Variants in POPDC3 observed in about 807,000 individuals in gnomAD.
POPDC3 encodes the protein popeye domain cAMP effector 3.
A neutral mutation model predicts 28.2 loss-of-function variants in POPDC3; 20 were observed. The observed-to-expected ratio is 0.71, with a 90% CI of 0.50 to 1.03. The LOEUF is 1.03. POPDC3 is among the 50% of genes least tolerant of loss of function. The pLI is 0.00. For missense variants in POPDC3, 316 were observed against 345.9 expected (o/e 0.91, Z 0.69); for synonymous variants, 118 against 124.1 (o/e 0.95, Z 0.33).
intron 1 of POPDC3, among the ~76,000 whole-genome samples, chr6:105,176,693 A>C (rs1432906241): frequency 6.6e-6 from 1 of 152,128 alleles, no homozygotes; most frequent in Non-Finnish European, 1.5e-5. Context: ...AGTAGCTGGG[A>C]CTGCAGGCGC....
rs1426550031 is a variant in POPDC3 at position 105,161,900 on chromosome 6, T to G, written c.10A>C (p.Asn4His). Reference protein sequence around the residue: MERNSSLWKNLIDE... With the variant: MERHSSLWKNLIDE... ...ATTAGGTTCTTCCATAAACTTGAATTTCTTTCCATGGCTGTATTACTGCCT... is the reference window on the plus strand; with the variant it reads ...ATTAGGTTCTTCCATAAACTTGAATGTCTTTCCATGGCTGTATTACTGCCT... Residue 4 changes from asparagine to histidine, a missense_variant, in exon 2 of 4, where the codon AAT becomes CAT. Asn to His is a moderately conservative substitution (Grantham distance 68). Coordinates refer to ENST00000254765, the MANE Select transcript of POPDC3 (RefSeq NM_022361.5). 1 of 1,598,890 alleles carries G rather than the reference T, an allele frequency of 6.3e-7. No homozygotes were observed. Among genetic ancestry groups the G allele is most frequent in the East Asian group, 2.2e-5 (1 of 44,802 alleles).
Position 105,164,266 on chromosome 6 carries a change from C to T in POPDC3, c.-251-2106G>A, listed in dbSNP as rs769337429. ...ATAGAGAAAGGCCATGTAAAACGTT[C>T]GTGGCAATTCAGAAGGGAACTTCTG... On this transcript the variant is annotated intron_variant, in intron 1 of 3. Transcript: ENST00000254765. 4.6e-5 allele frequency among the ~76,000 whole-genome samples: 7 copies of T among 152,126 alleles called. No individual in the cohort carries two copies. The East Asian group carries it at 5.8e-4, about 13-fold the overall frequency.
intron 1 of POPDC3, among the ~76,000 whole-genome samples, chr6:105,179,387 C>A (rs1191873928): frequency 6.6e-6 from 1 of 152,140 alleles, no homozygotes; most frequent in African/African-American, 2.4e-5. Flanking sequence ...CATGACTTCC[C>A]CAGGACTGAC....
intron 3 of POPDC3, 91 bp from the exon 4 acceptor site, chr6:105,158,842 G>T: frequency 8.5e-7 from 1 of 1,175,924 alleles, no homozygotes; most frequent in Non-Finnish European, 1.2e-6. Flanking sequence ...TTAATTTCAC[G>T]TGCTGCCTTT....
chr6:105,169,439 A>T (rs1562155564), intron 1 of POPDC3: 1 of 152,236 alleles, frequency 6.6e-6, no homozygotes, highest in Non-Finnish European at 1.5e-5. Context: ...AACTTCCAGA[A>T]TAGTTATGAC....
intron 1 of POPDC3, among the ~76,000 whole-genome samples, chr6:105,176,198 CAACA>C (rs1774679770): frequency 6.6e-6 from 1 of 152,164 alleles, no homozygotes; most frequent in African/African-American, 2.4e-5. Flanking sequence ...TTTACCTGAG[CAACA>C]AACAACTCAC....
chr6:105,174,581 CT>C (rs1774647229), intron 1 of POPDC3, among the ~76,000 whole-genome samples: 1 of 152,166 alleles, frequency 6.6e-6, no homozygotes, highest in South Asian at 2.1e-4. Context: ...GATGTGTTTA[CT>C]TGGGTGTAAC....
At chr6:105,179,277 C>T (rs1774737401) in intron 1 of POPDC3, 1 of 984,360 alleles carries the variant, frequency 1.0e-6, no homozygotes, top group Non-Finnish European at 1.2e-6. Flanking sequence ...TTTTTGTACC[C>T]CCAACTCTGT....
chr6:105,168,631 T>C (rs1198177964), intron 1 of POPDC3: 1 of 152,254 alleles, frequency 6.6e-6, no homozygotes, highest in Non-Finnish European at 1.5e-5. Flanking sequence ...TCCTTCAGTG[T>C]GGGCAGAACC....
chr6:105,159,444 C>T (rs1040143577), intron 3 of POPDC3, among the ~76,000 whole-genome samples: 3 of 152,196 alleles, frequency 2.0e-5, no homozygotes, highest in East Asian at 1.9e-4. Context: ...TTCCTAAATA[C>T]GCAGTTATGC....
At chr6:105,164,177 C>G (rs1318610585) in intron 1 of POPDC3, among the ~76,000 whole-genome samples, 2 of 152,142 alleles carry the variant, frequency 1.3e-5, no homozygotes, top group African/African-American at 4.8e-5. Flanking sequence ...TAGTGGAGCT[C>G]TGAACTTTGG....
chr6:105,163,824 ATAT>A (rs1774402278), intron 1 of POPDC3: 1 of 152,168 alleles, frequency 6.6e-6, no homozygotes, highest in Non-Finnish European at 1.5e-5. Context: ...ACTTATAGTC[ATAT>A]TGTTGTTTTT....
At chr6:105,178,598 ACACACACACACAG>A (rs1362370449) in intron 1 of POPDC3, 3 of 221,742 alleles carry the variant, frequency 1.4e-5, no homozygotes, top group African/African-American at 7.2e-5. Flanking sequence ...ACACACACAC[ACACACACACACAG>A]ATTTTTCAGG....
At chr6:105,159,662 C>A in intron 3 of POPDC3, 49 bp downstream of exon 3, 1 of 998,416 alleles carries the variant, frequency 1.0e-6, no homozygotes, top group African/African-American at 1.6e-5. Flanking sequence ...TTTAAACAAA[C>A]ATCTGTTTGA....
At chr6:105,158,830 A>C (rs1269843045) in intron 3 of POPDC3, 79 bp from the exon 4 acceptor site, 1 of 1,269,544 alleles carries the variant, frequency 7.9e-7, no homozygotes, top group East Asian at 2.3e-5. Context: ...CCAATTGTTA[A>C]ATTAATTTCA....
chr6:105,172,415 G>C lies in POPDC3; in HGVS notation c.-252+7418C>G, dbSNP rs1280449998. ...CCAGTGGAGAGGATGTGAAGAAATA[G>C]GAACACTTTTACACTGTTGGTGGGA... On this transcript the variant is annotated intron_variant, in intron 1 of 3. Coordinates refer to ENST00000254765, the MANE Select transcript of POPDC3 (RefSeq NM_022361.5). 3.3e-5 allele frequency among the ~76,000 whole-genome samples: 5 copies of C among 151,136 alleles called. 1 individual carries two copies. The highest frequency in any genetic ancestry group is 1.2e-4 in the African/African-American group (5 of 40,890).
At chr6:105,175,699 G>A (rs1005622082) in intron 1 of POPDC3, among the ~76,000 whole-genome samples, 20 of 151,802 alleles carry the variant, frequency 1.3e-4, no homozygotes, top group African/African-American at 3.9e-4. Flanking sequence ...AAAATTAGCC[G>A]GGCATGGTGG....
chr6:105,165,709 G>C (rs1227182309), intron 1 of POPDC3, among the ~76,000 whole-genome samples: 1 of 152,186 alleles, frequency 6.6e-6, no homozygotes, highest in Non-Finnish European at 1.5e-5. Context: ...TCACAACCTT[G>C]AACTCCTTAA....
intron 1 of POPDC3, chr6:105,178,656 G>T: frequency 1.2e-6 from 1 of 844,636 alleles, no homozygotes; most frequent in Non-Finnish European, 1.4e-6. Context: ...TCTGGGATCA[G>T]CCAGAGCTCT....
Sources: allele counts gnomAD v4.1 joint callset (sites outside exome capture counted in the v4.1 genomes callset), GRCh38; gene constraint gnomAD v4.1.1; transcripts MANE v1.5; gene names NCBI Gene and HGNC (gene_info 2026-07-23, HGNC 2026-07-21).